Variants in RLF observed in about 807,000 individuals in gnomAD.
RLF encodes zinc finger protein Rlf.
A neutral mutation model predicts 162.9 loss-of-function variants in RLF; 7 were observed. The ratio of observed to expected loss-of-function variants is 0.04; its 90% CI spans 0.02 to 0.08. The LOEUF is 0.08. RLF is among the 10% of genes least tolerant of loss of function. The pLI is 1.00. For missense variants in RLF, 1,664 were observed against 2,244.7 expected (o/e 0.74, Z 5.23); for synonymous variants, 782 against 791.5 (o/e 0.99, Z 0.20).
At chr1:40,203,852 T>C (rs1384886274) in intron 5 of RLF, among the ~76,000 whole-genome samples, 2 of 152,032 alleles carry the variant, frequency 1.3e-5, no homozygotes, top group South Asian at 2.1e-4. Context: ...CCAAATACAA[T>C]TGTCTATCTT....
At chr1:40,185,594 C>T (rs1467689023) in intron 1 of RLF, among the ~76,000 whole-genome samples, 7 of 117,678 alleles carry the variant, frequency 5.9e-5, no homozygotes, top group South Asian at 6.0e-4. Flanking sequence ...GGGCAGGTCA[C>T]GAGGTCAGGA....
Position 40,237,254 on chromosome 1 carries a change from G to C in RLF, c.2552G>C (p.Cys851Ser), listed in dbSNP as rs1194940429. ...EESATGEKQDCINQPHLLNQT... is the reference protein window; with the variant it reads ...EESATGEKQDSINQPHLLNQT... The stretch of plus-strand genomic sequence containing the variant: ...TCTGCAACAGGTGAAAAGCAAGATT[G>C]TATTAATCAGCCCCATCTACTTAAC... The change falls in exon 8 of 8, where the codon TGT (cysteine) becomes TCT (serine). Residue 851 changes from cysteine to serine, a missense_variant. By Grantham distance (112) the Cys-to-Ser change is moderately radical. Transcript: ENST00000372771. This position sits in a 1 kb window ranked among gnomAD's most constrained non-coding sequence, Gnocchi z 4.4. 1 of 1,613,982 alleles carries C rather than the reference G, an allele frequency of 6.2e-7. No homozygotes were observed. The highest frequency in any genetic ancestry group is 1.1e-5 in the South Asian group (1 of 91,068).
intron 4 of RLF, among the ~76,000 whole-genome samples, chr1:40,202,067 G>T (rs1642725875): frequency 6.6e-6 from 1 of 152,142 alleles, no homozygotes; most frequent in Non-Finnish European, 1.5e-5. Flanking sequence ...TTAGACTGGG[G>T]ATAATAATAC....
intron 6 of RLF, among the ~76,000 whole-genome samples, chr1:40,230,069 G>A (rs1324259596): frequency 6.6e-6 from 1 of 151,324 alleles, no homozygotes; most frequent in Non-Finnish European, 1.5e-5. Flanking sequence ...AGCCAAGATG[G>A]TGCCATTGCA....
chr1:40,240,024 G>A lies in RLF; in HGVS notation c.5322G>A (p.Leu1774=). ...YKPMGFESSF[L]KFIQESEEKE... is the part of the protein sequence containing the mutation. Reference sequence around the variant, plus strand: ...CTATGGGATTTGAATCTTCATTTCTGAAATTTATTCAGGAAAGTGAAGAGA... The same window carrying A: ...CTATGGGATTTGAATCTTCATTTCTAAAATTTATTCAGGAAAGTGAAGAGA... The change falls in exon 8 of 8, where the codon CTG becomes CTA. Residue 1774 remains leucine, a synonymous_variant. Transcript: ENST00000372771. 6.2e-7 allele frequency: 1 copy of A among 1,614,096 alleles called. No individual in the cohort carries two copies.
Position 40,161,696 on chromosome 1 carries a change from T to A in RLF, c.237+60T>A, listed in dbSNP as rs1464193215. The A allele has an allele frequency of 3.8e-6, 6 of 1,586,554 alleles. No individual in the cohort carries two copies. Reference sequence around the variant, plus strand: ...GCGGGGAAGTCAGGGAAGGAGGCCCTGGATCCTCTGTAAGCAGCCGGGTCC... The same window carrying A: ...GCGGGGAAGTCAGGGAAGGAGGCCCAGGATCCTCTGTAAGCAGCCGGGTCC... On this transcript the variant is annotated intron_variant, in intron 1 of 7. Transcript: ENST00000372771. This position sits in a 1 kb window ranked among gnomAD's most constrained non-coding sequence, Gnocchi z 4.4.
Position 40,202,401 on chromosome 1 carries a change from A to G in RLF, c.608-11A>G. The G allele has an allele frequency of 3.2e-6, 5 of 1,556,534 alleles. No individual in the cohort carries two copies. Among genetic ancestry groups the G allele is most frequent in the Non-Finnish European group, 4.3e-6 (5 of 1,154,930 alleles). On this transcript the variant is annotated splice_polypyrimidine_tract_variant and intron_variant, in intron 4 of 7. Transcript: ENST00000372771. Reference sequence around the variant, plus strand: ...ATGTTGTCAAACTGTTTTATTTTTCATTTTTTCTAGTCAATAAATTGATTG... The same window carrying G: ...ATGTTGTCAAACTGTTTTATTTTTCGTTTTTTCTAGTCAATAAATTGATTG...
rs1445584006 is a variant in RLF at position 40,237,170 on chromosome 1, C to T, written c.2468C>T (p.Ser823Leu). 2 of 1,613,884 alleles carry T rather than the reference C, an allele frequency of 1.2e-6. No homozygotes were observed. Among genetic ancestry groups the T allele is most frequent in the African/African-American group, 2.7e-5 (2 of 74,914 alleles). Reference sequence around the variant, plus strand: ...AAAATTGAATACCAGAATCACCTCTCAATGCATAATGTTGAAAATTCAAAT... The same window carrying T: ...AAAATTGAATACCAGAATCACCTCTTAATGCATAATGTTGAAAATTCAAAT... ...YSKIEYQNHL[S>L]MHNVENSNGD... Residue 823 changes from serine to leucine, a missense_variant, in exon 8 of 8, where the codon TCA becomes TTA. By Grantham distance (145) the Ser-to-Leu change is moderately radical. Around this residue, in one of 15 missense-constraint regions of RLF, gnomAD observed 295 missense variants for 317.4 expected, o/e 0.93. Transcript: ENST00000372771. The surrounding 1 kb of genome is among the most constrained non-coding windows in gnomAD (Gnocchi z 4.4).
intron 5 of RLF, among the ~76,000 whole-genome samples, chr1:40,204,385 T>C (rs1043919812): frequency 2.6e-5 from 4 of 151,882 alleles, no homozygotes; most frequent in African/African-American, 4.8e-5. Flanking sequence ...TCACCTACTC[T>C]ATGTGTTTAC....
rs762760072 is a variant in RLF, at chr1:40,185,826, CA to C, written c.238-3214del. Among the ~76,000 whole-genome samples the C allele has an allele frequency of 9.1e-3, 277 of 30,302 alleles. 3 individuals are homozygous for C. The East Asian group carries it at 0.13, about 14-fold the overall frequency. The allele number at this position is 30,302 out of a possible 152,430, so 19.9% of individuals were successfully genotyped here. ...CTGGGCTGACAGAGTGAGACTGTCT[CA>C]AAAAAAAAAAAAAAGCAAAAAAAAA... is the stretch of plus-strand genomic sequence containing the variant. On this transcript the variant is annotated intron_variant, in intron 1 of 7. Transcript: ENST00000372771.
Position 40,171,769 on chromosome 1 carries a change from C to G in RLF, c.237+10133C>G, listed in dbSNP as rs893359467. 2.0e-5 allele frequency among the ~76,000 whole-genome samples: 3 copies of G among 152,018 alleles called. No individual in the cohort carries two copies. The East Asian group carries it at 5.8e-4, about 29-fold the overall frequency. On this transcript the variant is annotated intron_variant, in intron 1 of 7. Transcript: ENST00000372771. The stretch of plus-strand genomic sequence containing the variant: ...TGTGTTTATATAAATATTACAATTT[C>G]TAATTGTGCAAACAACTCATGCATA...
intron 1 of RLF, among the ~76,000 whole-genome samples, chr1:40,186,859 C>T (rs1229138707): frequency 2.6e-5 from 4 of 151,952 alleles, no homozygotes; most frequent in African/African-American, 9.7e-5. Context: ...AGTGGTAGGC[C>T]TATAAGGATT....
intron 2 of RLF, 105 bp from the exon 3 acceptor site, chr1:40,190,667 T>C (rs1642544053): frequency 1.4e-6 from 1 of 734,094 alleles, no homozygotes; most frequent in Non-Finnish European, 2.1e-6. Context: ...GTAAAAACAT[T>C]TAAAATAGCC....
At chr1:40,217,226 G>A (rs1445555174) in intron 5 of RLF, among the ~76,000 whole-genome samples, 1 of 152,082 alleles carries the variant, frequency 6.6e-6, no homozygotes, top group Non-Finnish European at 1.5e-5. Context: ...AGCTCTTTGG[G>A]AGGCTTAGGT....
intron 5 of RLF, among the ~76,000 whole-genome samples, chr1:40,205,753 A>C (rs1642783188): frequency 6.6e-6 from 1 of 152,070 alleles, no homozygotes; most frequent in African/African-American, 2.4e-5. Context: ...TGTTTCCCAA[A>C]GTGCTGGGAT....
intron 1 of RLF, among the ~76,000 whole-genome samples, chr1:40,186,487 G>A (rs61780445): frequency 0.052 from 7,912 of 152,200 alleles, 598 homozygotes; most frequent in African/African-American, 0.17. Flanking sequence ...AAATTGTGTA[G>A]CTTACAGAAG....
chr1:40,186,212 T>TG (rs1372624319), intron 1 of RLF, among the ~76,000 whole-genome samples: 1 of 152,052 alleles, frequency 6.6e-6, no homozygotes, highest in Admixed American at 6.6e-5. Context: ...TTCATGCCTG[T>TG]AGTCCCAGCT....
In RLF at chr1:40,165,608, T is replaced by C. The variant is rs141583462; in HGVS notation, c.237+3972T>C. Reference sequence around the variant, plus strand: ...GGGGACACTGTACATACCTGTAGTTTTAACTCTTAATTTTATTGCTGTCAC... The same window carrying C: ...GGGGACACTGTACATACCTGTAGTTCTAACTCTTAATTTTATTGCTGTCAC... On this transcript the variant is annotated intron_variant, in intron 1 of 7. Coordinates refer to ENST00000372771, the MANE Select transcript of RLF (RefSeq NM_012421.4). 3.3e-5 allele frequency among the ~76,000 whole-genome samples: 5 copies of C among 152,278 alleles called. No individual in the cohort carries two copies. The East Asian group carries it at 5.8e-4, about 18-fold the overall frequency.
At chr1:40,178,002 T>A (rs1462012141) in intron 1 of RLF, 1 of 152,954 alleles carries the variant, frequency 6.5e-6, no homozygotes, top group Non-Finnish European at 1.5e-5. Flanking sequence ...ATGCAGTAAA[T>A]GAACAGATAA....
Sources: allele counts gnomAD v4.1 joint callset (sites outside exome capture counted in the v4.1 genomes callset), GRCh38; gene constraint gnomAD v4.1.1; regional missense constraint gnomAD v4.1.1; non-coding constraint Gnocchi (gnomAD v3.1); transcripts MANE v1.5; gene names NCBI Gene and HGNC (gene_info 2026-07-23, HGNC 2026-07-21).